The following PDE4D variants were observed in gnomAD, a reference collection of about 807,000 sequenced individuals.
PDE4D encodes 3',5'-cyclic-AMP phosphodiesterase 4D.
A neutral mutation model predicts 87.4 loss-of-function variants in PDE4D; 24 were observed. That is an observed-to-expected ratio of 0.27 (90% CI 0.20 to 0.39). The LOEUF (loss-of-function observed/expected upper bound fraction) is 0.39, where lower values mean the gene tolerates loss of function less well. Among genes scored for constraint, PDE4D ranks in the 10% least tolerant of loss-of-function variants. PDE4D has a pLI of 1.00. For synonymous variants in PDE4D, 384 were observed against 383.2 expected (o/e 1.00, Z -0.02); for missense variants, 714 against 1,041.0 (o/e 0.69, Z 4.32).
At chr5:59,119,776 T>A (rs994843329) in intron 5 of PDE4D, among the ~76,000 whole-genome samples, 12 of 152,192 alleles carry the variant, frequency 7.9e-5, no homozygotes, top group African/African-American at 2.7e-4. Flanking sequence ...TTTCCCACTG[T>A]TCATATTCAG....
At chr5:59,841,157 C>A in intron 1 of PDE4D, among the ~76,000 whole-genome samples, 1 of 152,058 alleles carries the variant, frequency 6.6e-6, no homozygotes, top group Non-Finnish European at 1.5e-5. Context: ...AAATGAAGGA[C>A]AGTGGGGACT....
chr5:59,065,029 T>A (rs1763665695), intron 5 of PDE4D, among the ~76,000 whole-genome samples: 1 of 147,696 alleles, frequency 6.8e-6, no homozygotes, highest in Non-Finnish European at 1.5e-5. Context: ...TAAATGTCCA[T>A]CAACAGATGA....
intron 5 of PDE4D, among the ~76,000 whole-genome samples, chr5:59,156,363 GT>G (rs1342208989): frequency 7.0e-6 from 1 of 143,532 alleles, no homozygotes; most frequent in Non-Finnish European, 1.6e-5. Context: ...GTGTGTGTGT[GT>G]GTGTGTGTGT....
At chr5:60,027,364 T>C (rs895400128) in intron 2 of PDE4D, among the ~76,000 whole-genome samples, 1 of 152,208 alleles carries the variant, frequency 6.6e-6, no homozygotes, top group Non-Finnish European at 1.5e-5. Flanking sequence ...CTTAGGATAA[T>C]GGCCACTAGC....
At chr5:59,836,573 T>C (rs760970440) in intron 1 of PDE4D, among the ~76,000 whole-genome samples, 45 of 151,948 alleles carry the variant, frequency 3.0e-4, no homozygotes, top group Non-Finnish European at 5.7e-4. Context: ...TGCAGCCATT[T>C]TGAGGCTATA....
intron 1 of PDE4D, among the ~76,000 whole-genome samples, chr5:59,317,139 C>G (rs1773895053): frequency 6.6e-6 from 1 of 152,192 alleles, no homozygotes; most frequent in Non-Finnish European, 1.5e-5. Context: ...CAGTGCACAT[C>G]TGAGCCAAAG....
At chr5:60,183,497 T>C (rs1489839270) in intron 2 of PDE4D, among the ~76,000 whole-genome samples, 7 of 152,156 alleles carry the variant, frequency 4.6e-5, no homozygotes, top group Non-Finnish European at 1.5e-5. Context: ...CTGGAACCCC[T>C]CTCATGAGAG....
intron 3 of PDE4D, among the ~76,000 whole-genome samples, chr5:59,906,994 G>A (rs1322561355): frequency 6.6e-6 from 1 of 152,140 alleles, no homozygotes; most frequent in Non-Finnish European, 1.5e-5. Flanking sequence ...GCCTGTCAAT[G>A]ACAGATTTGG....
intron 5 of PDE4D, among the ~76,000 whole-genome samples, chr5:59,092,997 T>A (rs1174079111): frequency 6.6e-6 from 1 of 151,962 alleles, no homozygotes; most frequent in Non-Finnish European, 1.5e-5. Context: ...TTCACTGAAG[T>A]GAAAGTAAAG....
intron 1 of PDE4D, among the ~76,000 whole-genome samples, chr5:59,696,126 T>C (rs1376538428): frequency 6.6e-6 from 1 of 152,216 alleles, no homozygotes; most frequent in Non-Finnish European, 1.5e-5. Context: ...ATGAACTTGC[T>C]GGTTTACATG....
chr5:59,348,744 T>C (rs1011504645), intron 1 of PDE4D, among the ~76,000 whole-genome samples: 2 of 151,758 alleles, frequency 1.3e-5, no homozygotes, highest in Non-Finnish European at 2.9e-5. Flanking sequence ...CCATCTTTCC[T>C]CTTTATCATT....
chr5:59,321,995 T>C (rs1347046933), intron 1 of PDE4D, among the ~76,000 whole-genome samples: 2 of 152,274 alleles, frequency 1.3e-5, no homozygotes, highest in East Asian at 3.9e-4. Flanking sequence ...CTAAAATCTT[T>C]TGCTACATAG....
chr5:59,441,402 T>A (rs1206182886), intron 1 of PDE4D, among the ~76,000 whole-genome samples: 3 of 152,228 alleles, frequency 2.0e-5, no homozygotes, highest in African/African-American at 7.2e-5. Flanking sequence ...TGGCCCTGAA[T>A]CTTTTTAATA....
intron 1 of PDE4D, among the ~76,000 whole-genome samples, chr5:60,246,025 C>T (rs200162595): frequency 1.7e-4 from 1 of 5,784 alleles, no homozygotes; most frequent in African/African-American, 2.1e-3. Context: ...GCCTGTACCC[C>T]ATGCCTGTAC....
At chr5:60,093,076 G>A (rs1210079287) in intron 2 of PDE4D, among the ~76,000 whole-genome samples, 1 of 152,224 alleles carries the variant, frequency 6.6e-6, no homozygotes, top group East Asian at 1.9e-4. Flanking sequence ...TGTGAGGTAA[G>A]TGTGTAAATT....
At chr5:59,683,524 C>T (rs1749371237) in intron 1 of PDE4D, among the ~76,000 whole-genome samples, 1 of 152,042 alleles carries the variant, frequency 6.6e-6, no homozygotes, top group Non-Finnish European at 1.5e-5. Context: ...AGCATAAAAT[C>T]CTGCTTTTTG....
chr5:59,613,292 G>A (rs1829232149), intron 1 of PDE4D, among the ~76,000 whole-genome samples: 3 of 152,194 alleles, frequency 2.0e-5, no homozygotes, highest in Admixed American at 2.0e-4. Flanking sequence ...GCTCCAGGAG[G>A]AGCAAGTTTG....
intron 1 of PDE4D, among the ~76,000 whole-genome samples, chr5:59,278,468 G>T (rs1158229877): frequency 6.6e-6 from 1 of 151,940 alleles, no homozygotes; most frequent in African/African-American, 2.4e-5. Context: ...TTACTTTCTG[G>T]TTGTTACCAC....
chr5:59,720,988 G>A (rs1050251818), intron 1 of PDE4D, among the ~76,000 whole-genome samples: 1 of 152,108 alleles, frequency 6.6e-6, no homozygotes, highest in African/African-American at 2.4e-5. Flanking sequence ...TAGTAGGATG[G>A]AGAAGAGCTC....
Sources: gnomAD v4.1 joint callset for allele counts (sites outside exome capture counted in the v4.1 genomes callset) on GRCh38, gnomAD v4.1.1 for gene constraint, MANE v1.5 for transcripts, NCBI Gene and HGNC (gene_info 2026-07-23, HGNC 2026-07-21) for gene names.